Variants in TFAP2A observed in about 807,000 individuals in gnomAD.
TFAP2A encodes the protein transcription factor AP-2-alpha.
TFAP2A carries 7 observed loss-of-function variants against 41.5 expected under a neutral mutation model. The ratio of observed to expected loss-of-function variants is 0.17; its 90% CI spans 0.10 to 0.32. TFAP2A has a LOEUF of 0.32. Ranked by LOEUF, TFAP2A falls within the 10% of genes least tolerant of loss-of-function variation. TFAP2A has a pLI of 1.00. For missense variants in TFAP2A, 416 were observed against 563.3 expected (o/e 0.74, Z 2.65); for synonymous variants, 247 against 242.8 (o/e 1.02, Z -0.16).
intron 5 of TFAP2A, 45 bp from the exon 6 acceptor site, chr6:10,400,634 G>A (rs1167802867): frequency 2.5e-6 from 4 of 1,611,014 alleles, no homozygotes; most frequent in Non-Finnish European, 3.4e-6. Context: ...AGAATGAAGA[G>A]TGGGGATCCT....
chr6:10,414,380 C>G (rs1426323246), intron 1 of TFAP2A, among the ~76,000 whole-genome samples: 2 of 152,158 alleles, frequency 1.3e-5, no homozygotes, highest in Admixed American at 1.3e-4. Context: ...CAGGAAGATG[C>G]AGCCCAGCTC....
At chr6:10,411,526 C>T (rs1429150886) in intron 1 of TFAP2A, 1 of 1,613,472 alleles carries the variant, frequency 6.2e-7, no homozygotes. Flanking sequence ...TTTCCAGAAT[C>T]CAATTCCTAA....
In TFAP2A at chr6:10,398,735, C is replaced by T; in HGVS notation, c.1032-30G>A. 2 of 1,612,132 alleles carry T rather than the reference C, an allele frequency of 1.2e-6. No individual in the cohort carries two copies. Among genetic ancestry groups the T allele is most frequent in the Non-Finnish European group, 1.7e-6 (2 of 1,178,984 alleles). On this transcript the variant is annotated intron_variant, in intron 6 of 6. Coordinates refer to ENST00000379613, the MANE Select transcript of TFAP2A (RefSeq NM_001372066.1). This position sits in a 1 kb window ranked among gnomAD's most constrained non-coding sequence, Gnocchi z 5.3. ...AGCACAAGTGGAGCAGAGAGAGAGA[C>T]ATAAGGCTCCACTATGGGCAGCACT...
chr6:10,412,528 G>A (rs532637310), intron 1 of TFAP2A: 141 of 131,548 alleles, frequency 1.1e-3, no homozygotes, highest in Non-Finnish European at 3.2e-4. Flanking sequence ...GCGCACGGAG[G>A]GGGAGGCCGC....
chr6:10,399,920 C>CTG (rs1215635445), intron 6 of TFAP2A, among the ~76,000 whole-genome samples: 57 of 117,912 alleles, frequency 4.8e-4, no homozygotes, highest in African/African-American at 1.7e-3. Context: ...CTCTCTCTCT[C>CTG]TGTCTGTGTG....
intron 1 of TFAP2A, chr6:10,414,468 T>G (rs61554516): frequency 8.4e-6 from 2 of 237,732 alleles, no homozygotes; most frequent in Non-Finnish European, 1.7e-5. Flanking sequence ...GAAGAAAGAA[T>G]GAATGAATGA....
At chr6:10,413,751 G>A (rs1457279217) in intron 1 of TFAP2A, among the ~76,000 whole-genome samples, 1 of 152,116 alleles carries the variant, frequency 6.6e-6, no homozygotes, top group Non-Finnish European at 1.5e-5. Flanking sequence ...GAGGGAGCGG[G>A]TGACACATCG....
intron 1 of TFAP2A, chr6:10,412,002 A>C: frequency 9.3e-7 from 1 of 1,080,300 alleles, no homozygotes; most frequent in Non-Finnish European, 1.1e-6. Flanking sequence ...CGCGCTGGGC[A>C]GCGTTCCTGG....
upstream of TFAP2A, among the ~76,000 whole-genome samples, chr6:10,418,838 C>G (rs1372745746): frequency 6.6e-6 from 1 of 152,180 alleles, no homozygotes; most frequent in Non-Finnish European, 1.5e-5. Context: ...TTCGGGCAAA[C>G]TTTGTATCTC....
intron 3 of TFAP2A, chr6:10,406,523 G>T: frequency 3.9e-6 from 2 of 517,766 alleles, no homozygotes; most frequent in Non-Finnish European, 6.9e-6. Context: ...TTCCAAATCA[G>T]TTCAACTACT....
chr6:10,402,528 C>T lies in TFAP2A; in HGVS notation c.853G>A (p.Ala285Thr). 6.2e-7 allele frequency: 1 copy of T among 1,614,164 alleles called. No individual in the cohort carries two copies. Among genetic ancestry groups the T allele is most frequent in the South Asian group, 1.1e-5 (1 of 91,078 alleles). ...GLNLPAGRRK[A>T]ANVTLLTSLV... ...GATGTGAGCAGGGTAACGTTGGCAG[C>T]TTTACGTCTCCCTGCAGGCAGATTT... Residue 285 changes from alanine (A) to threonine (T), a missense_variant, in exon 5 of 7, where the codon GCT becomes ACT. Ala to Thr is a moderately conservative substitution (Grantham distance 58). Coordinates refer to ENST00000379613, the MANE Select transcript of TFAP2A (RefSeq NM_001372066.1).
intron 1 of TFAP2A, chr6:10,410,804 T>A (rs1401279435): frequency 1.2e-5 from 2 of 164,290 alleles, no homozygotes; most frequent in African/African-American, 4.8e-5. Flanking sequence ...TCATGACTAC[T>A]TAAATAGAAA....
chr6:10,397,822 ACTT>A lies in TFAP2A; in HGVS notation c.*592_*594del. On this transcript the variant is annotated 3_prime_UTR_variant, in exon 7 of 7. Transcript: ENST00000379613. ...GGTCGCTTTACCTTAAAGAGGAAAAACTTCTACAACTGAAGACATGACATGGAA... is the reference window on the plus strand; with the variant it reads ...GGTCGCTTTACCTTAAAGAGGAAAAACTACAACTGAAGACATGACATGGAA... The A allele has an allele frequency of 3.0e-6, 3 of 985,760 alleles. No homozygotes were observed. Among genetic ancestry groups the A allele is most frequent in the Non-Finnish European group, 3.6e-6 (3 of 829,932 alleles). 61.1% of individuals were successfully genotyped at this position (985,760 alleles called of 1,614,324 possible).
At position 10,397,360 on chromosome 6, in the gene TFAP2A, G is replaced by T. The variant is rs1289951647; in HGVS notation, c.*1057C>A. The T allele has an allele frequency of 6.6e-6, 1 of 151,832 alleles. No individual in the cohort carries two copies. The highest frequency in any genetic ancestry group is 2.4e-5 in the African/African-American group (1 of 41,316). The allele number at this position is 151,832 out of a possible 1,614,324, so 9.4% of individuals were successfully genotyped here. A position where few individuals can be genotyped will look rare whatever the true frequency, so the allele number is the denominator to read the frequency against. On this transcript the variant is annotated 3_prime_UTR_variant, in exon 7 of 7. Transcript: ENST00000379613. ...TTTTTTCTCCCTACAATACATAGAA[G>T]GGTTATCAAACCACTCAAGTTTCAA...
At chr6:10,414,606 A>G in intron 1 of TFAP2A, 1 of 505,802 alleles carries the variant, frequency 2.0e-6, no homozygotes, top group Non-Finnish European at 3.6e-6. Context: ...AGATAACACG[A>G]GGAGTGCACA....
intron 6 of TFAP2A, among the ~76,000 whole-genome samples, chr6:10,399,920 C>CTCTCTCTCTCTG (rs1416387650): frequency 8.5e-6 from 1 of 117,822 alleles, no homozygotes; most frequent in African/African-American, 3.6e-5. Context: ...CTCTCTCTCT[C>CTCTCTCTCTCTG]TGTCTGTGTG....
chr6:10,411,701 A>C (rs1757978054), intron 1 of TFAP2A: 1 of 1,584,476 alleles, frequency 6.3e-7, no homozygotes, highest in Admixed American at 1.8e-5. Flanking sequence ...AGGCGCCGAG[A>C]GCCCCGCGCC....
Position 10,410,307 on chromosome 6 carries a change from G to A in TFAP2A, c.80C>T (p.Thr27Met). 1.2e-6 allele frequency: 2 copies of A among 1,612,350 alleles called. No homozygotes were observed. The highest frequency in any genetic ancestry group is 1.1e-5 in the South Asian group (1 of 90,984). Residue 27 changes from threonine to methionine, a missense_variant, in exon 2 of 7, where the codon ACG (threonine) becomes ATG (methionine). Physicochemically the swap from Thr to Met is moderately conservative, Grantham distance 81. Around this residue, in one of 3 missense-constraint regions of TFAP2A, gnomAD observed 241 missense variants for 274.1 expected, o/e 0.88. Coordinates refer to ENST00000379613, the MANE Select transcript of TFAP2A (RefSeq NM_001372066.1). The stretch of plus-strand genomic sequence containing the variant: ...AGTGCCCAGCTGGGGCAACCGTGCC[G>A]TCCCGTTGCTGGTGCCGTCGTGACG... ...EDRHDGTSNG[T>M]ARLPQLGTVG...
intron 2 of TFAP2A, chr6:10,407,483 GTTTTTC>G (rs1757773228): frequency 1.4e-5 from 2 of 145,830 alleles, no homozygotes; most frequent in African/African-American, 2.5e-5. Context: ...AGTGTGGGGT[GTTTTTC>G]TTTTTCTTTT....
Sources: allele counts gnomAD v4.1 joint callset (sites outside exome capture counted in the v4.1 genomes callset), GRCh38; gene constraint gnomAD v4.1.1; regional missense constraint gnomAD v4.1.1; non-coding constraint Gnocchi (gnomAD v3.1); transcripts MANE v1.5; gene names NCBI Gene and HGNC (gene_info 2026-07-23, HGNC 2026-07-21).